Variants in CTNNA2 observed in about 807,000 individuals in gnomAD.
CTNNA2 encodes catenin alpha 2, also known as catenin alpha-2.
A neutral mutation model predicts 101.0 loss-of-function variants in CTNNA2; 42 were observed. That is an observed-to-expected ratio of 0.42 (90% CI 0.32 to 0.54). The LOEUF is 0.54. CTNNA2 is among the 20% of genes least tolerant of loss of function. CTNNA2 has a pLI of 0.14. For synonymous variants in CTNNA2, 450 were observed against 456.4 expected (o/e 0.99, Z 0.18); for missense variants, 871 against 1,223.1 (o/e 0.71, Z 4.29).
chr2:80,126,463 C>T (rs1037254192), intron 7 of CTNNA2, among the ~76,000 whole-genome samples: 64 of 149,586 alleles, frequency 4.3e-4, no homozygotes, highest in Admixed American at 1.3e-4. Flanking sequence ...CTACCATTCT[C>T]TCTCTCTCTC....
chr2:80,195,096 A>C (rs1706751490), intron 7 of CTNNA2, among the ~76,000 whole-genome samples: 1 of 152,178 alleles, frequency 6.6e-6, no homozygotes, highest in African/African-American at 2.4e-5. Context: ...AAAGACTCTT[A>C]GTAAATGTTT....
intron 1 of CTNNA2, among the ~76,000 whole-genome samples, chr2:79,607,094 T>C (rs545411720): frequency 6.6e-6 from 1 of 152,068 alleles, no homozygotes; most frequent in Non-Finnish European, 1.5e-5. Flanking sequence ...AAAAAAGATA[T>C]ACCATGATAA....
intron 3 of CTNNA2, among the ~76,000 whole-genome samples, chr2:79,812,780 C>A (rs562579621): frequency 4.1e-4 from 62 of 152,262 alleles, no homozygotes; most frequent in African/African-American, 1.5e-3. Flanking sequence ...ACCTGAGAGA[C>A]CTGCTGGGTG....
intron 7 of CTNNA2, among the ~76,000 whole-genome samples, chr2:80,355,676 C>A (rs1673715264): frequency 6.6e-6 from 1 of 152,106 alleles, no homozygotes; most frequent in Non-Finnish European, 1.5e-5. Context: ...TAGGGAAAGA[C>A]CATTTCTCAT....
At chr2:79,908,573 C>T (rs1685577444) in intron 6 of CTNNA2, among the ~76,000 whole-genome samples, 1 of 152,184 alleles carries the variant, frequency 6.6e-6, no homozygotes, top group African/African-American at 2.4e-5. Flanking sequence ...ACCTTTGCTT[C>T]TAGACTTCAC....
rs550089522 is a variant in CTNNA2, at chr2:80,287,785, C to CG, written c.1057-105424dup. Among the ~76,000 whole-genome samples the CG allele has an allele frequency of 1.7e-3, 264 of 152,168 alleles. 1 individual carries two copies. The highest frequency in any genetic ancestry group is 6.1e-3 in the African/African-American group (255 of 41,548). ...CATTTTTCATTCCCTAGAGCCCTAA[C>CG]GGCTGACAAACATGACAAAGGGAAG... On this transcript the variant is annotated intron_variant, in intron 7 of 18. Coordinates refer to ENST00000402739, the MANE Select transcript of CTNNA2 (RefSeq NM_001282597.3).
At chr2:80,181,416 C>G (rs955561326) in intron 7 of CTNNA2, among the ~76,000 whole-genome samples, 1 of 152,168 alleles carries the variant, frequency 6.6e-6, no homozygotes, top group Non-Finnish European at 1.5e-5. Context: ...CCACACATCC[C>G]CATTCCAAGT....
intron 2 of CTNNA2, among the ~76,000 whole-genome samples, chr2:79,289,051 G>T (rs1287911089): frequency 6.6e-6 from 1 of 152,064 alleles, no homozygotes; most frequent in Non-Finnish European, 1.5e-5. Flanking sequence ...AGAATTTTAG[G>T]GTATGTGAAC....
At chr2:79,751,851 G>T (rs1278595208) in intron 3 of CTNNA2, among the ~76,000 whole-genome samples, 1 of 152,082 alleles carries the variant, frequency 6.6e-6, no homozygotes, top group Non-Finnish European at 1.5e-5. Flanking sequence ...ATAATATCAA[G>T]GGAAATGAAA....
At chr2:79,448,633 T>A (rs2104524962) in intron 4 of CTNNA2, among the ~76,000 whole-genome samples, 1 of 151,990 alleles carries the variant, frequency 6.6e-6, no homozygotes, top group Non-Finnish European at 1.5e-5. Flanking sequence ...TAGCATGGAG[T>A]GAACAGAGTA....
At position 79,546,962 on chromosome 2, in the gene CTNNA2, T is replaced by G. The variant is rs1044584940; in HGVS notation, c.-6+33755T>G. Among the ~76,000 whole-genome samples the G allele has an allele frequency of 2.7e-5, 4 of 145,808 alleles. 1 individual carries two copies. The highest frequency in any genetic ancestry group is 1.4e-4 in the Admixed American group (2 of 14,534). ...CAACAGTGCTTCCAGGCCAACTAAT[T>G]TTTTAGAAATTTGTGGAATTTGTGA... On this transcript the variant is annotated intron_variant, in intron 1 of 18. Transcript: ENST00000402739.
chr2:80,452,221 GT>G (rs1683579615), intron 9 of CTNNA2, among the ~76,000 whole-genome samples: 1 of 151,804 alleles, frequency 6.6e-6, no homozygotes, highest in African/African-American at 2.4e-5. Flanking sequence ...TCACAGCTAG[GT>G]TTATTTAACT....
chr2:79,978,780 C>T (rs1194131238), intron 7 of CTNNA2, among the ~76,000 whole-genome samples: 1 of 152,120 alleles, frequency 6.6e-6, no homozygotes, highest in African/African-American at 2.4e-5. Flanking sequence ...GTCACTAATT[C>T]TTCATCTTTT....
chr2:79,497,374 A>G (rs1048821859), intron 4 of CTNNA2, among the ~76,000 whole-genome samples: 2 of 152,096 alleles, frequency 1.3e-5, no homozygotes, highest in African/African-American at 2.4e-5. Flanking sequence ...GGCTATTCAT[A>G]TTACTGTATT....
At chr2:80,095,747 G>C (rs956096409) in intron 7 of CTNNA2, among the ~76,000 whole-genome samples, 4 of 152,024 alleles carry the variant, frequency 2.6e-5, no homozygotes, top group Admixed American at 6.5e-5. Context: ...TGTATGTGTC[G>C]AGGAATTTAT....
chr2:80,320,393 C>A (rs575714416), intron 7 of CTNNA2, among the ~76,000 whole-genome samples: 1 of 152,292 alleles, frequency 6.6e-6, no homozygotes, highest in South Asian at 2.1e-4. Flanking sequence ...TTTAACCCAC[C>A]TCTGCTTTTC....
At chr2:79,660,862 A>C (rs745491256) in intron 2 of CTNNA2, among the ~76,000 whole-genome samples, 12 of 152,252 alleles carry the variant, frequency 7.9e-5, no homozygotes, top group Non-Finnish European at 1.2e-4. Flanking sequence ...CCCAAATTCC[A>C]AAGTGGGCTT....
rs549997672 is a variant in CTNNA2, at chr2:79,747,085, C to T, written c.298+2503C>T. On this transcript the variant is annotated intron_variant, in intron 3 of 18. Transcript: ENST00000402739. Reference sequence around the variant, plus strand: ...CACACTAACAAATACTGTTCCCCTTCTGCCCTGTTCTTCCTCATCCTCTCC... The same window carrying T: ...CACACTAACAAATACTGTTCCCCTTTTGCCCTGTTCTTCCTCATCCTCTCC... 1.3e-5 allele frequency among the ~76,000 whole-genome samples: 2 copies of T among 152,286 alleles called. 1 individual carries two copies. Among genetic ancestry groups the T allele is most frequent in the South Asian group, 4.1e-4 (2 of 4,822 alleles).
At position 80,175,213 on chromosome 2, in the gene CTNNA2, A is replaced by G. The variant is rs776041406; in HGVS notation, c.1057-217998A>G. Among the ~76,000 whole-genome samples the G allele has an allele frequency of 4.0e-5, 6 of 151,884 alleles. No individual in the cohort carries two copies. The East Asian group carries it at 9.7e-4, about 25-fold the overall frequency. The stretch of plus-strand genomic sequence containing the variant: ...GGAATACTCTTCAGATCCCACCTCA[A>G]CCATTCCCTGATCACTCTATCCAGC... On this transcript the variant is annotated intron_variant, in intron 7 of 18. Transcript: ENST00000402739.
Sources: gnomAD v4.1 joint callset for allele counts (sites outside exome capture counted in the v4.1 genomes callset) on GRCh38, gnomAD v4.1.1 for gene constraint, MANE v1.5 for transcripts, NCBI Gene and HGNC (gene_info 2026-07-23, HGNC 2026-07-21) for gene names.